The following TPRG1 variants were observed in gnomAD, a reference collection of about 807,000 sequenced individuals.
The protein encoded by TPRG1 is tumor protein p63 regulated 1.
In TPRG1, 29 loss-of-function variants were observed where a neutral mutation model predicts 29.3. The ratio of observed to expected loss-of-function variants is 0.99; its 90% CI spans 0.74 to 1.35. The LOEUF is 1.35. Among genes scored for constraint, TPRG1 ranks in the 40% most tolerant of loss-of-function variants. TPRG1 has a pLI of 0.00. For missense variants in TPRG1, 327 were observed against 335.0 expected (o/e 0.98, Z 0.19); for synonymous variants, 130 against 116.8 (o/e 1.11, Z -0.73).
chr3:189,305,501 T>C (rs1292419591), intron 4 of TPRG1, among the ~76,000 whole-genome samples: 1 of 152,258 alleles, frequency 6.6e-6, no homozygotes, highest in African/African-American at 2.4e-5. Flanking sequence ...GTTTCTACTG[T>C]ATAAAACTCA....
intron 1 of TPRG1, among the ~76,000 whole-genome samples, chr3:189,189,468 T>TA (rs1294633708): frequency 1.3e-5 from 2 of 152,102 alleles, no homozygotes; most frequent in East Asian, 1.9e-4. Context: ...ATTGTTATTT[T>TA]AAAAAAATTG....
chr3:189,154,445 A>ATT (rs11306539), intron 5 of TPRG1, among the ~76,000 whole-genome samples: 2 of 145,638 alleles, frequency 1.4e-5, no homozygotes, highest in African/African-American at 2.5e-5. Flanking sequence ...TGCAGTGTAC[A>ATT]TTTTTTTTTT....
intron 5 of TPRG1, among the ~76,000 whole-genome samples, chr3:189,160,626 G>A (rs1278033121): frequency 6.6e-6 from 1 of 152,158 alleles, no homozygotes; most frequent in South Asian, 2.1e-4. Context: ...AACCCAGGGA[G>A]ACGGGGACTA....
At chr3:189,293,603 T>A (rs1006555916) in intron 4 of TPRG1, among the ~76,000 whole-genome samples, 2 of 152,260 alleles carry the variant, frequency 1.3e-5, no homozygotes, top group East Asian at 3.9e-4. Context: ...GGCATCAGTG[T>A]CTTCTCACTC....
intron 1 of TPRG1, among the ~76,000 whole-genome samples, chr3:188,999,199 G>A (rs1440802994): frequency 6.6e-6 from 1 of 152,104 alleles, no homozygotes; most frequent in Non-Finnish European, 1.5e-5. Context: ...GGAATCAGTG[G>A]AGAAGGAAAG....
At chr3:189,167,061 G>A (rs922147338), upstream of TPRG1, among the ~76,000 whole-genome samples, 2 of 152,188 alleles carry the variant, frequency 1.3e-5, no homozygotes, top group South Asian at 2.1e-4. Flanking sequence ...TAATAGAAGC[G>A]GTGTTTTTTT....
intron 5 of TPRG1, among the ~76,000 whole-genome samples, chr3:189,165,577 T>G (rs1247180149): frequency 6.6e-6 from 1 of 151,922 alleles, no homozygotes; most frequent in African/African-American, 2.4e-5. Context: ...TCCAGGGACC[T>G]GCGCATCAAA....
At chr3:189,087,670 A>C (rs1718046037) in intron 4 of TPRG1, among the ~76,000 whole-genome samples, 1 of 151,960 alleles carries the variant, frequency 6.6e-6, no homozygotes. Context: ...ATCCATCTTG[A>C]ATTAGTTTTT....
At chr3:189,141,656 A>G (rs1724578104) in intron 3 of TPRG1, among the ~76,000 whole-genome samples, 1 of 152,200 alleles carries the variant, frequency 6.6e-6, no homozygotes, top group South Asian at 2.1e-4. Flanking sequence ...TGAGAAGAGA[A>G]TTTGTTCATC....
intron 1 of TPRG1, among the ~76,000 whole-genome samples, chr3:189,105,589 C>T (rs1248353760): frequency 6.6e-6 from 1 of 152,062 alleles, no homozygotes; most frequent in African/African-American, 2.4e-5. Context: ...TAGCATCTCC[C>T]TCATTTTCCC....
intron 4 of TPRG1, among the ~76,000 whole-genome samples, chr3:189,296,682 G>A (rs898437384): frequency 6.6e-6 from 1 of 152,202 alleles, no homozygotes; most frequent in Non-Finnish European, 1.5e-5. Context: ...CAATTGGCTG[G>A]TGAAGCAACT....
chr3:189,031,762 T>A (rs561097252), intron 4 of TPRG1, among the ~76,000 whole-genome samples: 5 of 152,270 alleles, frequency 3.3e-5, no homozygotes, highest in African/African-American at 1.2e-4. Context: ...CAACCTTTAT[T>A]TGGGAAGTGG....
At chr3:189,157,671 C>T (rs1236000708) in intron 5 of TPRG1, among the ~76,000 whole-genome samples, 2 of 152,172 alleles carry the variant, frequency 1.3e-5, no homozygotes, top group Non-Finnish European at 2.9e-5. Flanking sequence ...CCTTGACCCT[C>T]CCGAAGGAAG....
At chr3:189,100,392 T>C (rs1186029480) in intron 1 of TPRG1, among the ~76,000 whole-genome samples, 1 of 152,154 alleles carries the variant, frequency 6.6e-6, no homozygotes, top group Admixed American at 6.5e-5. Context: ...TCAAGGGTCA[T>C]CTCCAATCTC....
chr3:189,050,293 G>A (rs1308845407), intron 4 of TPRG1, among the ~76,000 whole-genome samples: 1 of 152,040 alleles, frequency 6.6e-6, no homozygotes, highest in Non-Finnish European at 1.5e-5. Context: ...GATCATTCAA[G>A]GCTACTATGA....
intron 4 of TPRG1, among the ~76,000 whole-genome samples, chr3:189,024,650 G>T (rs1318740845): frequency 1.3e-5 from 2 of 152,180 alleles, no homozygotes; most frequent in African/African-American, 4.8e-5. Flanking sequence ...AAACAACAAT[G>T]ATGGTGGCCT....
intron 4 of TPRG1, among the ~76,000 whole-genome samples, chr3:189,247,067 T>G (rs1394560464): frequency 6.6e-6 from 1 of 152,086 alleles, no homozygotes; most frequent in Admixed American, 6.6e-5. Context: ...ATTTTTTCTT[T>G]CTATTTGTTT....
chr3:189,316,041 T>C (rs1452818111), intron 5 of TPRG1, among the ~76,000 whole-genome samples: 1 of 152,156 alleles, frequency 6.6e-6, no homozygotes, highest in Non-Finnish European at 1.5e-5. Context: ...AGCTGCGAAT[T>C]ACAAAGGTAT....
At chr3:189,067,012 T>A (rs1716496643) in intron 4 of TPRG1, among the ~76,000 whole-genome samples, 1 of 152,108 alleles carries the variant, frequency 6.6e-6, no homozygotes, top group Non-Finnish European at 1.5e-5. Context: ...TTAGTAGCAT[T>A]TCTATATGTC....
Sources: allele counts gnomAD v4.1 joint callset (sites outside exome capture counted in the v4.1 genomes callset), GRCh38; gene constraint gnomAD v4.1.1; transcripts MANE v1.5; gene names NCBI Gene and HGNC (gene_info 2026-07-23, HGNC 2026-07-21).